The following GPHN variants were observed in gnomAD, a reference collection of about 807,000 sequenced individuals.
GPHN encodes the protein gephyrin.
A neutral mutation model predicts 95.5 loss-of-function variants in GPHN; 17 were observed. The ratio of observed to expected loss-of-function variants is 0.18; its 90% CI spans 0.12 to 0.27. The LOEUF (loss-of-function observed/expected upper bound fraction) is 0.27. GPHN is among the 10% of genes least tolerant of loss of function. GPHN has a pLI of 1.00. For synonymous variants in GPHN, 320 were observed against 322.5 expected (o/e 0.99, Z 0.08); for missense variants, 660 against 978.1 (o/e 0.67, Z 4.34).
the GPHN span, among the ~76,000 whole-genome samples, chr14:67,520,322 T>G: frequency 6.6e-6 from 1 of 152,248 alleles, no homozygotes; most frequent in African/African-American, 2.4e-5. Context: ...AAATGTCCTC[T>G]GTGCTTTGCT....
At chr14:67,075,712 A>G (rs1045672439) in intron 11 of GPHN, among the ~76,000 whole-genome samples, 1 of 152,202 alleles carries the variant, frequency 6.6e-6, no homozygotes, top group African/African-American at 2.4e-5. Flanking sequence ...TCACTGCTTC[A>G]GTGGAAGAAG....
chr14:67,153,392 C>T (rs978785141), intron 18 of GPHN, among the ~76,000 whole-genome samples: 2 of 152,140 alleles, frequency 1.3e-5, no homozygotes, highest in African/African-American at 4.8e-5. Context: ...TGGTGAGGGC[C>T]CTCTTCCAGG....
At chr14:66,563,276 G>C (rs1379300189) in intron 1 of GPHN, among the ~76,000 whole-genome samples, 1 of 152,104 alleles carries the variant, frequency 6.6e-6, no homozygotes, top group Non-Finnish European at 1.5e-5. Flanking sequence ...TTTTCACAAT[G>C]TATTAAGATG....
At chr14:67,600,643 G>A in the GPHN span, among the ~76,000 whole-genome samples, 1 of 152,236 alleles carries the variant, frequency 6.6e-6, no homozygotes, top group Admixed American at 6.5e-5. Context: ...GGAATGGCGC[G>A]ACGTCGGCTC....
intron 10 of GPHN, among the ~76,000 whole-genome samples, chr14:67,040,387 C>CA (rs1489190207): frequency 1.3e-5 from 2 of 151,854 alleles, no homozygotes; most frequent in Admixed American, 1.3e-4. Context: ...TATTTCCTTC[C>CA]AAAAAAATCT....
At chr14:67,515,750 C>T in the GPHN span, among the ~76,000 whole-genome samples, 102 of 152,322 alleles carry the variant, frequency 6.7e-4, no homozygotes, top group African/African-American at 2.2e-3. Context: ...GTGCAACATC[C>T]ACTGTGGGTA....
At chr14:67,542,013 G>GAGCT in the GPHN span, 5 of 1,581,186 alleles carry the variant, frequency 3.2e-6, no homozygotes, top group Non-Finnish European at 4.3e-6. Flanking sequence ...TCAGAGCAGG[G>GAGCT]AGCTGCCTCT....
At chr14:67,685,718 C>T in the GPHN span, among the ~76,000 whole-genome samples, 1 of 151,904 alleles carries the variant, frequency 6.6e-6, no homozygotes, top group Non-Finnish European at 1.5e-5. Context: ...CAGGTTCAAG[C>T]GATTCTCCTG....
the GPHN span, chr14:67,302,177 A>T: frequency 1.3e-6 from 2 of 1,499,240 alleles, no homozygotes; most frequent in Admixed American, 4.6e-5. Flanking sequence ...GTGTGCTTCA[A>T]AAGTCTGGTT....
At position 66,720,374 on chromosome 14, in the gene GPHN, C is replaced by T. The variant is rs528474918; in HGVS notation, c.143+39189C>T. ...TTCGAGACCAGCCTGGCCAACACGG[C>T]GAAACCCCGTCTCTACTGAAAATAC... On this transcript the variant is annotated intron_variant, in intron 2 of 22. Transcript: ENST00000478722. 1.7e-3 allele frequency among the ~76,000 whole-genome samples: 265 copies of T among 152,188 alleles called. 1 individual carries two copies. The highest frequency in any genetic ancestry group is 6.0e-3 in the African/African-American group (250 of 41,518).
the GPHN span, among the ~76,000 whole-genome samples, chr14:67,567,139 C>CGTGT: frequency 8.9e-6 from 1 of 112,890 alleles, no homozygotes; most frequent in Admixed American, 8.8e-5. Flanking sequence ...CATGATCACT[C>CGTGT]GTGTTCCGTG....
chr14:66,566,704 GT>G (rs2060474982), intron 1 of GPHN, among the ~76,000 whole-genome samples: 1 of 152,138 alleles, frequency 6.6e-6, no homozygotes. Context: ...TGGAGGAATT[GT>G]TTTGCATTTT....
intron 3 of GPHN, among the ~76,000 whole-genome samples, chr14:66,808,867 A>G (rs953921811): frequency 1.3e-5 from 2 of 152,232 alleles, no homozygotes; most frequent in African/African-American, 4.8e-5. Context: ...ACCAATTCCA[A>G]CCAGAGTGTC....
rs543870985 is a variant in GPHN at position 66,650,563 on chromosome 14, T to G, written c.65-30544T>G. Among the ~76,000 whole-genome samples the G allele has an allele frequency of 5.9e-5, 9 of 152,286 alleles. No homozygotes were observed. The East Asian group carries it at 1.7e-3, about 29-fold the overall frequency. On this transcript the variant is annotated intron_variant, in intron 1 of 22. Transcript: ENST00000478722. ...CGAATCAATGAAATAGCAGAGTACA[T>G]GGAGGCACAACTGTTAGAGAGGATT...
chr14:66,901,521 T>A (rs1596321450), intron 5 of GPHN, among the ~76,000 whole-genome samples: 1 of 152,202 alleles, frequency 6.6e-6, no homozygotes, highest in Non-Finnish European at 1.5e-5. Flanking sequence ...GGTCTTAGAT[T>A]TAAGTCTTTA....
chr14:67,323,615 A>AATATATATAT, the GPHN span: 25 of 260,318 alleles, frequency 9.6e-5, no homozygotes, highest in Middle Eastern at 1.4e-3. Flanking sequence ...CCCTTAATCT[A>AATATATATAT]ATATATATAT....
At chr14:66,682,728 C>A (rs759446320) in intron 2 of GPHN, among the ~76,000 whole-genome samples, 4 of 151,736 alleles carry the variant, frequency 2.6e-5, no homozygotes, top group Non-Finnish European at 5.9e-5. Flanking sequence ...CCAGCCTGGG[C>A]GACAGAGCGA....
At chr14:67,692,553 C>T in the GPHN span, 6 of 1,608,266 alleles carry the variant, frequency 3.7e-6, no homozygotes, top group Non-Finnish European at 4.2e-6. Context: ...CCACCAATTC[C>T]CCCTTTTCCA....
At position 67,181,563 on chromosome 14, in the gene GPHN, C is replaced by A. The variant is rs1325079200; in HGVS notation, c.*626C>A. ...ACTGGACACCTTTTATTTGAAGAAACAAACTGAAGAAAAAATGCTTCCTTA... is the reference window on the plus strand; with the variant it reads ...ACTGGACACCTTTTATTTGAAGAAAAAAACTGAAGAAAAAATGCTTCCTTA... On this transcript the variant is annotated 3_prime_UTR_variant, in exon 23 of 23. Coordinates refer to ENST00000478722, the MANE Select transcript of GPHN (RefSeq NM_020806.5). The A allele has an allele frequency of 8.8e-6, 4 of 453,408 alleles. No homozygotes were observed. The highest frequency in any genetic ancestry group is 6.4e-5 in the Admixed American group (2 of 31,116). The allele number at this position is 453,408 out of a possible 1,614,324, so 28.1% of individuals were successfully genotyped here. A position where few individuals can be genotyped will look rare whatever the true frequency, so the allele number is the denominator to read the frequency against.
Sources: gnomAD v4.1 joint callset for allele counts (sites outside exome capture counted in the v4.1 genomes callset) on GRCh38, gnomAD v4.1.1 for gene constraint, MANE v1.5 for transcripts, NCBI Gene and HGNC (gene_info 2026-07-23, HGNC 2026-07-21) for gene names.